The following IFIH1 variants were observed in gnomAD, a reference collection of about 807,000 sequenced individuals.
IFIH1 encodes interferon-induced helicase C domain-containing protein 1.
Under a neutral mutation model 107.4 loss-of-function variants are expected in IFIH1, and 125 were observed. The observed-to-expected ratio is 1.16, with a 90% CI of 1.01 to 1.35. IFIH1 has a LOEUF of 1.35. IFIH1 is among the 40% of genes most tolerant of loss of function. The probability of loss-of-function intolerance (pLI) is 0.00; values close to 1 mark genes in which losing one functional copy is unlikely to be tolerated. For synonymous variants in IFIH1, 458 were observed against 413.2 expected (o/e 1.11, Z -1.31); for missense variants, 1,333 against 1,213.7 (o/e 1.10, Z -1.46).
chr2:162,305,623 C>T (rs893681225), intron 3 of IFIH1, among the ~76,000 whole-genome samples: 2 of 151,350 alleles, frequency 1.3e-5, no homozygotes, highest in African/African-American at 4.9e-5. Flanking sequence ...AAATAATAAA[C>T]TTTGCAGTGG....
chr2:162,317,870 A>T lies in IFIH1; in HGVS notation c.438T>A (p.Ile146=), dbSNP rs775337458. The change falls in exon 1 of 16, where the codon ATT becomes ATA. Residue 146 remains isoleucine, a synonymous_variant. Coordinates refer to ENST00000649979, the MANE Select transcript of IFIH1 (RefSeq NM_022168.4). The part of the protein sequence containing the change: ...DKCMEEELLT[I]EDRNRIAAAE... ...AGACACCTACCCGGTTTCTGTCTTC[A>T]ATTGTCAACAGTTCCTCCTCCATGC... 1 of 1,582,706 alleles carries T rather than the reference A, an allele frequency of 6.3e-7. No homozygotes were observed. Among genetic ancestry groups the T allele is most frequent in the South Asian group, 1.2e-5 (1 of 85,990 alleles).
rs151258276 is a variant in IFIH1 at position 162,299,461 on chromosome 2, G to C, written c.770-5793C>G. 4.9e-3 allele frequency among the ~76,000 whole-genome samples: 751 copies of C among 152,172 alleles called. 3 individuals are homozygous for C. Among genetic ancestry groups the C allele is most frequent in the African/African-American group, 0.017 (718 of 41,504 alleles). ...AATGTTCAACAACTGGCCCTTTGGT[G>C]GGGGGAGACAGGATTTTTAAAAGGT... is the stretch of plus-strand genomic sequence containing the variant. On this transcript the variant is annotated intron_variant, in intron 3 of 15. Transcript: ENST00000649979.
chr2:162,269,701 G>T (rs906120143), intron 13 of IFIH1, among the ~76,000 whole-genome samples: 1 of 152,130 alleles, frequency 6.6e-6, no homozygotes, highest in Non-Finnish European at 1.5e-5. Flanking sequence ...GACCGAGGGA[G>T]AAATTTTCAG....
chr2:162,302,550 A>G (rs1387209129), intron 3 of IFIH1, among the ~76,000 whole-genome samples: 1 of 152,228 alleles, frequency 6.6e-6, no homozygotes, highest in Non-Finnish European at 1.5e-5. Flanking sequence ...ATTAGAAGCT[A>G]TGGAGCACTT....
intron 12 of IFIH1, among the ~76,000 whole-genome samples, chr2:162,272,798 A>T (rs954501215): frequency 6.6e-6 from 1 of 152,144 alleles, no homozygotes; most frequent in Non-Finnish European, 1.5e-5. Context: ...AGGGCTGGTG[A>T]GAAGGCAGGT....
rs773611536 is a variant in IFIH1 at position 162,293,691 on chromosome 2, A to G, written c.770-23T>C. Reference sequence around the variant, plus strand: ...ATTCTGCAAAGGAAAACATTTTAAAATATTTTTAAAATATTTCTGAGAATA... The same window carrying G: ...ATTCTGCAAAGGAAAACATTTTAAAGTATTTTTAAAATATTTCTGAGAATA... On this transcript the variant is annotated intron_variant, in intron 3 of 15. Coordinates refer to ENST00000649979, the MANE Select transcript of IFIH1 (RefSeq NM_022168.4). 2.7e-6 allele frequency: 4 copies of G among 1,483,266 alleles called. No individual in the cohort carries two copies. The South Asian group carries it at 4.5e-5, about 17-fold the overall frequency. 91.9% of individuals were successfully genotyped at this position (1,483,266 alleles called of 1,614,324 possible). A position where few individuals can be genotyped will look rare whatever the true frequency, so the allele number is the denominator to read the frequency against.
intron 11 of IFIH1, among the ~76,000 whole-genome samples, chr2:162,275,775 C>T (rs1323448418): frequency 6.6e-6 from 1 of 152,176 alleles, no homozygotes; most frequent in East Asian, 1.9e-4. Context: ...TTGCTTCATG[C>T]ATGCTTGTAA....
intron 5 of IFIH1, 137 bp from the exon 6 acceptor site, chr2:162,282,713 A>G: frequency 1.6e-6 from 1 of 608,366 alleles, no homozygotes; most frequent in Non-Finnish European, 2.9e-6. Context: ...CAACGTTCCC[A>G]TCACTCCTTT....
intron 3 of IFIH1, among the ~76,000 whole-genome samples, chr2:162,302,175 A>G (rs997414165): frequency 6.6e-6 from 1 of 152,126 alleles, no homozygotes. Context: ...TACTGATGGT[A>G]GTGTGTCTTA....
intron 4 of IFIH1, among the ~76,000 whole-genome samples, chr2:162,290,555 C>T (rs1221821232): frequency 6.6e-6 from 1 of 151,856 alleles, no homozygotes; most frequent in Admixed American, 6.6e-5. Context: ...ATTTATTCTT[C>T]AGTCAATATT....
chr2:162,294,834 A>C (rs1363560668), intron 3 of IFIH1, among the ~76,000 whole-genome samples: 2 of 151,880 alleles, frequency 1.3e-5, no homozygotes, highest in Admixed American at 1.3e-4. Flanking sequence ...TTAGCTATTT[A>C]AAACTAGTCT....
chr2:162,311,484 T>C lies in IFIH1; in HGVS notation c.454-551A>G, dbSNP rs370885101. Among the ~76,000 whole-genome samples, 6 of 152,148 alleles carry C rather than the reference T, an allele frequency of 3.9e-5. No individual in the cohort carries two copies. In the South Asian group the frequency reaches 1.0e-3, roughly 26 times the overall value. On this transcript the variant is annotated intron_variant, in intron 1 of 15. Transcript: ENST00000649979. ...ATATTTGCATAGTTGATTATTACTA[T>C]AATCAATTTTTCTCAAATTTGTGTT...
intron 1 of IFIH1, among the ~76,000 whole-genome samples, chr2:162,312,297 G>A (rs927315608): frequency 6.6e-6 from 1 of 152,102 alleles, no homozygotes; most frequent in Non-Finnish European, 1.5e-5. Context: ...CTACCCAAGG[G>A]ATATTTCCGT....
At chr2:162,288,917 G>GCACACA (rs3051152) in intron 4 of IFIH1, among the ~76,000 whole-genome samples, 1,712 of 135,414 alleles carry the variant, frequency 0.013, 30 homozygotes, top group African/African-American at 0.027. Flanking sequence ...ATACCAAAAA[G>GCACACA]CACACACACA....
Position 162,268,212 on chromosome 2 carries a change from C to T in IFIH1, c.2682G>A (p.Lys894=), listed in dbSNP as rs374488772. The T allele has an allele frequency of 2.9e-4, 472 of 1,612,570 alleles. 1 individual carries two copies. The highest frequency in any genetic ancestry group is 3.9e-4 in the Non-Finnish European group (457 of 1,178,900). Residue 894 remains lysine (K), a synonymous_variant, in exon 14 of 16, where the codon AAG becomes AAA. Transcript: ENST00000649979. ...TTAGTGATGGGTTATTCTTGTAATGCTTGGCAATATTTCTCTTGGTTTTCA... is the reference window on the plus strand; with the variant it reads ...TTAGTGATGGGTTATTCTTGTAATGTTTGGCAATATTTCTCTTGGTTTTCA... ...KKMKTKRNIA[K]HYKNNPSLIT...
intron 1 of IFIH1, among the ~76,000 whole-genome samples, chr2:162,317,388 T>G (rs539053736): frequency 4.2e-4 from 64 of 152,274 alleles, no homozygotes; most frequent in African/African-American, 1.5e-3. Flanking sequence ...GGAACTACAT[T>G]AAATAAGAAA....
At chr2:162,289,315 T>A (rs1682954465) in intron 4 of IFIH1, among the ~76,000 whole-genome samples, 1 of 151,586 alleles carries the variant, frequency 6.6e-6, no homozygotes, top group African/African-American at 2.4e-5. Context: ...AAAATTATTA[T>A]AATATGTCTT....
chr2:162,267,199 G>A lies in IFIH1; in HGVS notation c.*1C>T. 1.3e-6 allele frequency: 2 copies of A among 1,574,276 alleles called. No homozygotes were observed. Among genetic ancestry groups the A allele is most frequent in the Non-Finnish European group, 1.7e-6 (2 of 1,162,910 alleles). On this transcript the variant is annotated 3_prime_UTR_variant, in exon 16 of 16. Transcript: ENST00000649979. ...ATTTTAAAAGAATCTTCAATCAAGT[G>A]CTAATCCTCATCACTAAATAAACAG...
chr2:162,276,656 G>C, intron 11 of IFIH1, 31 bp downstream of exon 11: 1 of 1,574,944 alleles, frequency 6.3e-7, no homozygotes, highest in Non-Finnish European at 8.6e-7. Context: ...AGAAAGAAAA[G>C]AAAAGAAGTC....
Sources: gnomAD v4.1 joint callset for allele counts (sites outside exome capture counted in the v4.1 genomes callset) on GRCh38, gnomAD v4.1.1 for gene constraint, MANE v1.5 for transcripts, NCBI Gene and HGNC (gene_info 2026-07-23, HGNC 2026-07-21) for gene names.